FCN2: variants seen among roughly 807,000 people sequenced by gnomAD.
The protein encoded by FCN2 is ficolin 2.
In FCN2, 31 loss-of-function variants were observed where a neutral mutation model predicts 32.5. The ratio of observed to expected loss-of-function variants is 0.96; its 90% confidence interval spans 0.72 to 1.29. The LOEUF (loss-of-function observed/expected upper bound fraction) is 1.29. Among genes scored for constraint, FCN2 ranks in the 50% most tolerant of loss-of-function variants. The pLI is 0.00. For missense variants in FCN2, 412 were observed against 406.5 expected (o/e 1.01, Z -0.12); for synonymous variants, 181 against 164.5 (o/e 1.10, Z -0.77).
chr9:134,887,362 A>G lies in FCN2; in HGVS notation c.889A>G (p.Lys297Glu). The G allele has an allele frequency of 6.2e-7, 1 of 1,614,102 alleles. No homozygotes were observed. Among genetic ancestry groups the G allele is most frequent in the Non-Finnish European group, 8.5e-7 (1 of 1,180,006 alleles). The part of the protein sequence containing the change: ...FANGINWKSG[K>E]GYNYSYKVSE... The stretch of plus-strand genomic sequence containing the variant: ...AAATGGCATCAACTGGAAGTCGGGG[A>G]AAGGATACAATTATAGCTACAAGGT... The change falls in exon 8 of 8, where the codon AAA (lysine) becomes GAA (glutamate). Residue 297 changes from lysine (K) to glutamate (E), a missense_variant. Lys to Glu is a moderately conservative substitution (Grantham distance 56). Transcript: ENST00000291744.
chr9:134,869,979 T>G, the FCN2 span, among the ~76,000 whole-genome samples: 3 of 152,088 alleles, frequency 2.0e-5, no homozygotes, highest in Non-Finnish European at 4.4e-5. Flanking sequence ...GGGGCTTCAT[T>G]CACATGGGGT....
At chr9:134,879,647 G>T (rs1246826437), upstream of FCN2, among the ~76,000 whole-genome samples, 1 of 152,144 alleles carries the variant, frequency 6.6e-6, no homozygotes, top group Non-Finnish European at 1.5e-5. Context: ...TGAGAGGTCT[G>T]CCCTAAACAC....
Position 134,885,835 on chromosome 9 carries a change from T to C in FCN2, c.497T>C (p.Phe166Ser). 6.2e-7 allele frequency: 1 copy of C among 1,613,840 alleles called. No homozygotes were observed. The highest frequency in any genetic ancestry group is 8.5e-7 in the Non-Finnish European group (1 of 1,179,934). ...GACTGGGCCACGTACAAGCAGGGCT[T>C]CGGCAGTCGGCTGGGGGAGTTCTGG... ...YRDWATYKQG[F>S]GSRLGEFWLG... is the part of the protein sequence containing the mutation. The change falls in exon 6 of 8, where the codon TTC becomes TCC. Residue 166 changes from phenylalanine to serine, a missense_variant. By Grantham distance (155) the Phe-to-Ser change is radical (BLOSUM62 -2). Coordinates refer to ENST00000291744, the MANE Select transcript of FCN2 (RefSeq NM_004108.3).
chr9:134,887,235 C>G lies in FCN2; in HGVS notation c.762C>G (p.Thr254=), dbSNP rs144393630. The G allele has an allele frequency of 4.3e-6, 7 of 1,614,136 alleles. No homozygotes were observed. The Admixed American group carries it at 5.0e-5, about 12-fold the overall frequency. The stretch of plus-strand genomic sequence containing the variant: ...AAGACCAGGACAATGATCTTAACAC[C>G]GGAAATTGTGCTGTGATGTTTCAGG... The part of the protein sequence containing the change: ...STKDQDNDLN[T]GNCAVMFQGA... Residue 254 remains threonine (T), a synonymous_variant, in exon 8 of 8, where the codon ACC becomes ACG. Transcript: ENST00000291744.
In FCN2 at chr9:134,887,373, T is replaced by C; in HGVS notation, c.900T>C (p.Asn300=). The stretch of plus-strand genomic sequence containing the variant: ...ACTGGAAGTCGGGGAAAGGATACAA[T>C]TATAGCTACAAGGTGTCAGAGATGA... ...GINWKSGKGY[N]YSYKVSEMKV... The change falls in exon 8 of 8, where the codon AAT becomes AAC. Residue 300 remains asparagine (N), a synonymous_variant. Transcript: ENST00000291744. 6.2e-7 allele frequency: 1 copy of C among 1,614,040 alleles called. No individual in the cohort carries two copies. Among genetic ancestry groups the C allele is most frequent in the African/African-American group, 1.3e-5 (1 of 74,988 alleles).
At chr9:134,873,330 C>G in the FCN2 span, among the ~76,000 whole-genome samples, 1 of 152,136 alleles carries the variant, frequency 6.6e-6, no homozygotes, top group Non-Finnish European at 1.5e-5. Flanking sequence ...GGGCTGGGTT[C>G]CTTCTGGAGG....
At chr9:134,878,432 G>A (rs1287886677), upstream of FCN2, among the ~76,000 whole-genome samples, 1 of 152,166 alleles carries the variant, frequency 6.6e-6, no homozygotes, top group Non-Finnish European at 1.5e-5. Context: ...GTGCCTGTGA[G>A]GGCTTTGGTT....
chr9:134,886,570 TG>T lies in FCN2; in HGVS notation c.694+7del. The T allele has an allele frequency of 6.2e-7, 1 of 1,613,660 alleles. No homozygotes were observed. Among genetic ancestry groups the T allele is most frequent in the Non-Finnish European group, 8.5e-7 (1 of 1,179,828 alleles). On this transcript the variant is annotated splice_region_variant and intron_variant, in intron 7 of 7. Coordinates refer to ENST00000291744, the MANE Select transcript of FCN2 (RefSeq NM_004108.3). Reference sequence around the variant, plus strand: ...CTTCGTGGAGGGCAGTGCGGGTGAGTGTCTGCTTGGGGCTGTGTGGCCTGGG... The same window carrying T: ...CTTCGTGGAGGGCAGTGCGGGTGAGTTCTGCTTGGGGCTGTGTGGCCTGGG...
At chr9:134,871,208 A>G in the FCN2 span, among the ~76,000 whole-genome samples, 1 of 152,166 alleles carries the variant, frequency 6.6e-6, no homozygotes, top group African/African-American at 2.4e-5. Context: ...ATATTCCAGG[A>G]TCGGCGCTGA....
Position 134,887,402 on chromosome 9 carries a change from T to A in FCN2, c.929T>A (p.Val310Glu), listed in dbSNP as rs1300677412. 1 of 1,614,134 alleles carries A rather than the reference T, an allele frequency of 6.2e-7. No individual in the cohort carries two copies. Among genetic ancestry groups the A allele is most frequent in the South Asian group, 1.1e-5 (1 of 91,082 alleles). The change falls in exon 8 of 8, where the codon GTG becomes GAG. Residue 310 changes from valine to glutamate, a missense_variant. Val to Glu is a moderately radical substitution (Grantham distance 121). Transcript: ENST00000291744. ...NYSYKVSEMK[V>E]RPA ...AGCTACAAGGTGTCAGAGATGAAGGTGCGACCTGCCTAGCCCAGGCCGGCC... is the reference window on the plus strand; with the variant it reads ...AGCTACAAGGTGTCAGAGATGAAGGAGCGACCTGCCTAGCCCAGGCCGGCC...
Position 134,887,468 on chromosome 9 carries a change from A to C in FCN2, c.*53A>C. The C allele has an allele frequency of 6.6e-7, 1 of 1,524,092 alleles. No individual in the cohort carries two copies. Among genetic ancestry groups the C allele is most frequent in the Non-Finnish European group, 9.1e-7 (1 of 1,101,980 alleles). 94.4% of individuals were successfully genotyped at this position (1,524,092 alleles called of 1,614,324 possible). On this transcript the variant is annotated 3_prime_UTR_variant, in exon 8 of 8. Transcript: ENST00000291744. ...CTCCACACATAGTTGGTTGGGGGGTAGGGTTGGGAGCTTGGCCCTACGGTT... is the reference window on the plus strand; with the variant it reads ...CTCCACACATAGTTGGTTGGGGGGTCGGGTTGGGAGCTTGGCCCTACGGTT...
At chr9:134,877,964 C>T (rs948066407), upstream of FCN2, among the ~76,000 whole-genome samples, 2 of 152,160 alleles carry the variant, frequency 1.3e-5, no homozygotes, top group African/African-American at 4.8e-5. Flanking sequence ...AAGGCAGACC[C>T]ACCCTCAGTC....
chr9:134,883,690 G>A (rs980942123), intron 3 of FCN2, among the ~76,000 whole-genome samples: 2 of 149,402 alleles, frequency 1.3e-5, no homozygotes, highest in African/African-American at 2.5e-5. Context: ...TGTAGGGAGA[G>A]GTTCTTGGGG....
upstream of FCN2, among the ~76,000 whole-genome samples, chr9:134,876,159 G>A (rs1048385283): frequency 6.6e-5 from 10 of 152,120 alleles, no homozygotes; most frequent in African/African-American, 2.4e-4. Context: ...TCATAGACAG[G>A]TTCAGTTTGC....
intron 5 of FCN2, 33 bp from the exon 6 acceptor site, chr9:134,885,735 C>A (rs549770448): frequency 1.2e-5 from 20 of 1,613,452 alleles, no homozygotes; most frequent in East Asian, 6.7e-5. Context: ...TCGGCCTGGC[C>A]CCCCCGGCTC....
chr9:134,877,016 A>G (rs1203817829), upstream of FCN2, among the ~76,000 whole-genome samples: 2 of 152,194 alleles, frequency 1.3e-5, no homozygotes, highest in Admixed American at 1.3e-4. Flanking sequence ...TAGTGAGGTC[A>G]TTGATCTCTT....
intron 2 of FCN2, 121 bp from the exon 3 acceptor site, chr9:134,883,181 C>T: frequency 2.3e-6 from 2 of 887,254 alleles, no homozygotes; most frequent in Non-Finnish European, 3.8e-6. Flanking sequence ...GGGCCACAGT[C>T]ACGTCGTAGC....
In FCN2 at chr9:134,884,754, C is replaced by T. The variant is rs755422138; in HGVS notation, c.283C>T (p.Pro95Ser). The T allele has an allele frequency of 2.8e-5, 45 of 1,613,852 alleles. No homozygotes were observed. The highest frequency in any genetic ancestry group is 3.5e-5 in the Non-Finnish European group (41 of 1,179,912). Reference sequence around the variant, plus strand: ...TCCATGAACAGGAGCACCTGGGGAGCCCCAGCCGTGCCTGACAGGTGACTG... The same window carrying T: ...TCCATGAACAGGAGCACCTGGGGAGTCCCAGCCGTGCCTGACAGGTGACTG... ...PPGPNGAPGE[P>S]QPCLTGPRTC... The change falls in exon 4 of 8, where the codon CCC (proline) becomes TCC (serine). Residue 95 changes from proline to serine, a missense_variant. Physicochemically the swap from Pro to Ser is moderately conservative, Grantham distance 74. Coordinates refer to ENST00000291744, the MANE Select transcript of FCN2 (RefSeq NM_004108.3).
chr9:134,886,095 A>T (rs1394336375), intron 6 of FCN2, among the ~76,000 whole-genome samples, 198 bp downstream of exon 6: 2 of 152,178 alleles, frequency 1.3e-5, no homozygotes, highest in Admixed American at 6.5e-5. Context: ...GGAGAGGGTC[A>T]GAGCTCTGGG....
Sources: gnomAD v4.1 joint callset for allele counts (sites outside exome capture counted in the v4.1 genomes callset) on GRCh38, gnomAD v4.1.1 for gene constraint, MANE v1.5 for transcripts, NCBI Gene and HGNC (gene_info 2026-07-23, HGNC 2026-07-21) for gene names.